Variants in RBP3 observed in about 807,000 individuals in gnomAD.
RBP3 encodes the protein retinol-binding protein 3.
A neutral mutation model predicts 64.8 loss-of-function variants in RBP3; 50 were observed. The observed-to-expected ratio is 0.77, with a 90% confidence interval of 0.61 to 0.98. The LOEUF is 0.98. Among genes scored for constraint, RBP3 ranks in the 50% least tolerant of loss-of-function variants. The pLI is 0.00. For synonymous variants in RBP3, 828 were observed against 730.2 expected (o/e 1.13, Z -2.16); for missense variants, 1,712 against 1,660.5 (o/e 1.03, Z -0.54).
rs781920668 is a variant in RBP3, at chr10:47,350,585, G to C, written c.2101G>C (p.Val701Leu). 33 of 1,612,890 alleles carry C rather than the reference G, an allele frequency of 2.0e-5. No individual in the cohort carries two copies. Among genetic ancestry groups the C allele is most frequent in the South Asian group, 4.4e-5 (4 of 91,094 alleles). The change falls in exon 1 of 4, where the codon GTG becomes CTG. Residue 701 changes from valine (V) to leucine (L), a missense_variant. Val to Leu is a conservative substitution (Grantham distance 32). Transcript: ENST00000584701. ...GGTGTCTGGGGACCACCGCTTGCTA[G>C]TGTTCCACAGCCCTGGCGAGCTGGT... is the stretch of plus-strand genomic sequence containing the variant. ...QEVSGDHRLL[V>L]FHSPGELVVE...
intron 1 of RBP3, 85 bp downstream of exon 1, chr10:47,351,623 G>A: frequency 2.0e-6 from 3 of 1,496,724 alleles, no homozygotes. Context: ...TGTGCACAGT[G>A]CGTGACAATG....
rs782725888 is a variant in RBP3 at position 47,349,585 on chromosome 10, T to A, written c.1101T>A (p.Asp367Glu). The stretch of plus-strand genomic sequence containing the variant: ...TCTCCACGGTGGTCTCCGAGGAAGA[T>A]CTGGTCACCAAGCTCAATGCCGGCC... ...MDFSTVVSEEDLVTKLNAGLQ... is the reference protein window; with the variant it reads ...MDFSTVVSEEELVTKLNAGLQ... Residue 367 changes from aspartate (D) to glutamate (E), a missense_variant, in exon 1 of 4, where the codon GAT becomes GAA. Coordinates refer to ENST00000584701, the MANE Select transcript of RBP3 (RefSeq NM_002900.3). 10 of 1,612,854 alleles carry A rather than the reference T, an allele frequency of 6.2e-6. No individual in the cohort carries two copies. Among genetic ancestry groups the A allele is most frequent in the South Asian group, 1.1e-5 (1 of 91,068 alleles).
In RBP3 at chr10:47,348,777, C is replaced by T. The variant is rs782153944; in HGVS notation, c.293C>T (p.Pro98Leu). 44 of 1,613,578 alleles carry T rather than the reference C, an allele frequency of 2.7e-5. No homozygotes were observed. The highest frequency in any genetic ancestry group is 3.0e-5 in the Non-Finnish European group (35 of 1,180,034). The change falls in exon 1 of 4, where the codon CCT becomes CTT. Residue 98 changes from proline to leucine, a missense_variant. Transcript: ENST00000584701. ...TCCTATGAGCCCAGCACCCCCGAGC[C>T]TCCCCCACAAGTCCCAGCACTCACC... ...VISYEPSTPE[P>L]PPQVPALTSL... is the part of the protein sequence containing the mutation.
rs886047021 is a variant in RBP3, at chr10:47,350,226, T to A, written c.1742T>A (p.Leu581Gln). 1.9e-6 allele frequency: 3 copies of A among 1,608,692 alleles called. No homozygotes were observed. The highest frequency in any genetic ancestry group is 2.5e-6 in the Non-Finnish European group (3 of 1,179,918). Residue 581 changes from leucine to glutamine, a missense_variant, in exon 1 of 4, where the codon CTG becomes CAG. Physicochemically the swap from Leu to Gln is moderately radical, Grantham distance 113. Transcript: ENST00000584701. ...GNLLHTRTVP[L>Q]LDTPEGSLAL... ...CTGCTGCACACCCGCACGGTGCCGCTGCTGGACACACCCGAAGGCAGCCTC... is the reference window on the plus strand; with the variant it reads ...CTGCTGCACACCCGCACGGTGCCGCAGCTGGACACACCCGAAGGCAGCCTC...
rs1836902851 is a variant in RBP3, at chr10:47,349,133, C to G, written c.649C>G (p.Leu217Val). 1 of 1,614,004 alleles carries G rather than the reference C, an allele frequency of 6.2e-7. No homozygotes were observed. The highest frequency in any genetic ancestry group is 8.5e-7 in the Non-Finnish European group (1 of 1,180,042). The change falls in exon 1 of 4, where the codon CTG (leucine) becomes GTG (valine). Residue 217 changes from leucine (L) to valine (V), a missense_variant. Transcript: ENST00000584701. The part of the protein sequence containing the change: ...TTEIWTLPQV[L>V]GERYGADKDV... ...GGAGATCTGGACCTTGCCCCAGGTC[C>G]TGGGAGAAAGGTACGGTGCCGACAA...
At chr10:47,352,212 C>G (rs1254278887) in intron 1 of RBP3, among the ~76,000 whole-genome samples, 3 of 152,196 alleles carry the variant, frequency 2.0e-5, no homozygotes, top group Non-Finnish European at 2.9e-5. Flanking sequence ...GGGAAGCTGA[C>G]AGGCAGGTGC....
In RBP3 at chr10:47,351,263, G is replaced by A; in HGVS notation, c.2779G>A (p.Ala927Thr). The change falls in exon 1 of 4, where the codon GCC (alanine) becomes ACC (threonine). Residue 927 changes from alanine to threonine, a missense_variant. By Grantham distance (58) the Ala-to-Thr change is moderately conservative. Coordinates refer to ENST00000584701, the MANE Select transcript of RBP3 (RefSeq NM_002900.3). ...GCCCATGAGCGAAGCCCTTTCCATA[G>A]CCCAGGACATAGTGGCTCTGCGTGC... ...TVPMSEALSI[A>T]QDIVALRAKV... 6.2e-7 allele frequency: 1 copy of A among 1,613,408 alleles called. No homozygotes were observed. Among genetic ancestry groups the A allele is most frequent in the South Asian group, 1.1e-5 (1 of 91,086 alleles).
rs1279328377 is a variant in RBP3 at position 47,353,334 on chromosome 10, C to T, written c.3064C>T (p.Pro1022Ser). 6.2e-7 allele frequency: 1 copy of T among 1,613,864 alleles called. No homozygotes were observed. Among genetic ancestry groups the T allele is most frequent in the African/African-American group, 1.3e-5 (1 of 74,928 alleles). ...CCTCCAACTCTTACAGATCCCTTCC[C>T]CTGAAGTATTTGAAGAGCTGATCAA... is the stretch of plus-strand genomic sequence containing the variant. ...PGIVPMQIPSPEVFEELIKFS... is the reference protein window; with the variant it reads ...PGIVPMQIPSSEVFEELIKFS... Residue 1022 changes from proline (P) to serine (S), a missense_variant, in exon 2 of 4, where the codon CCT becomes TCT. Pro to Ser is a moderately conservative substitution (Grantham distance 74). Coordinates refer to ENST00000584701, the MANE Select transcript of RBP3 (RefSeq NM_002900.3).
At position 47,350,463 on chromosome 10, in the gene RBP3, C is replaced by A; in HGVS notation, c.1979C>A (p.Thr660Asn). The A allele has an allele frequency of 1.2e-6, 2 of 1,612,484 alleles. No homozygotes were observed. Among genetic ancestry groups the A allele is most frequent in the Non-Finnish European group, 1.7e-6 (2 of 1,179,992 alleles). The change falls in exon 1 of 4, where the codon ACC becomes AAC. Residue 660 changes from threonine (T) to asparagine (N), a missense_variant. By Grantham distance (65) the Thr-to-Asn change is moderately conservative (BLOSUM62 0). Coordinates refer to ENST00000584701, the MANE Select transcript of RBP3 (RefSeq NM_002900.3). ...GCTCGGCCAGAGGTCGTGGGGCAGA[C>A]CAGTGCCCTCCTGCGGGCCAAGCTG... is the stretch of plus-strand genomic sequence containing the variant. ...HYARPEVVGQ[T>N]SALLRAKLAQ...
At chr10:47,352,473 C>T (rs1836990079) in intron 1 of RBP3, among the ~76,000 whole-genome samples, 1 of 152,194 alleles carries the variant, frequency 6.6e-6, no homozygotes, top group African/African-American at 2.4e-5. Flanking sequence ...GCTGAGAGTG[C>T]CAAAAGCATC....
At chr10:47,353,635 G>T in intron 2 of RBP3, 120 bp downstream of exon 2, 1 of 1,186,786 alleles carries the variant, frequency 8.4e-7, no homozygotes, top group Non-Finnish European at 1.2e-6. Flanking sequence ...GACCTGAGGG[G>T]GGCCAGGCCT....
intron 3 of RBP3, 129 bp from the exon 4 acceptor site, chr10:47,356,973 A>G (rs1837054523): frequency 4.0e-6 from 3 of 758,942 alleles, no homozygotes; most frequent in Non-Finnish European, 6.5e-6. Flanking sequence ...GTGGCTCACA[A>G]GTGGACACAA....
At chr10:47,355,891 G>A (rs1837040986) in intron 3 of RBP3, among the ~76,000 whole-genome samples, 1 of 152,142 alleles carries the variant, frequency 6.6e-6, no homozygotes, top group African/African-American at 2.4e-5. Context: ...ACCAACCCCA[G>A]TGGGCATTGC....
Position 47,357,315 on chromosome 10 carries a change from C to T in RBP3, c.3602C>T (p.Ser1201Leu), listed in dbSNP as rs1375634622. The T allele has an allele frequency of 3.7e-6, 6 of 1,614,134 alleles. No homozygotes were observed. Among genetic ancestry groups the T allele is most frequent in the South Asian group, 2.2e-5 (2 of 91,082 alleles). The change falls in exon 4 of 4, where the codon TCG becomes TTG. Residue 1201 changes from serine (S) to leucine (L), a missense_variant. Physicochemically the swap from Ser to Leu is moderately radical, Grantham distance 145. Transcript: ENST00000584701. ...TIPTARSVGA[S>L]DGSSWEGVGV... The stretch of plus-strand genomic sequence containing the variant: ...CCCACGGCCCGTTCTGTGGGGGCCT[C>T]GGATGGCAGCTCCTGGGAAGGGGTG...
chr10:47,350,360 G>C lies in RBP3; in HGVS notation c.1876G>C (p.Ala626Pro). ...IVLAEEALDK[A>P]QEVLEFHQSL... ...GCTGGCCGAGGAGGCCCTGGACAAA[G>C]CCCAGGAAGTGCTGGAGTTCCACCA... The change falls in exon 1 of 4, where the codon GCC becomes CCC. Residue 626 changes from alanine (A) to proline (P), a missense_variant. Ala to Pro is a conservative substitution (Grantham distance 27). Coordinates refer to ENST00000584701, the MANE Select transcript of RBP3 (RefSeq NM_002900.3). 6.2e-7 allele frequency: 1 copy of C among 1,612,450 alleles called. No individual in the cohort carries two copies. Among genetic ancestry groups the C allele is most frequent in the Non-Finnish European group, 8.5e-7 (1 of 1,179,962 alleles).
rs148673483 is a variant in RBP3, at chr10:47,349,109, G to A, written c.625G>A (p.Glu209Lys). ...IYNRPSNTTT[E>K]IWTLPQVLGE... ...CAACCGCCCCTCCAACACCACCACG[G>A]AGATCTGGACCTTGCCCCAGGTCCT... The change falls in exon 1 of 4, where the codon GAG becomes AAG. Residue 209 changes from glutamate (E) to lysine (K), a missense_variant. Glu to Lys is a moderately conservative substitution (Grantham distance 56). Coordinates refer to ENST00000584701, the MANE Select transcript of RBP3 (RefSeq NM_002900.3). The A allele has an allele frequency of 2.7e-5, 43 of 1,613,936 alleles. No individual in the cohort carries two copies. In the African/African-American group the frequency reaches 3.3e-4, roughly 13 times the overall value.
chr10:47,353,197 G>A (rs2132256922), intron 1 of RBP3, 128 bp from the exon 2 acceptor site: 2 of 841,310 alleles, frequency 2.4e-6, no homozygotes, highest in South Asian at 2.8e-5. Flanking sequence ...AGTCCCTGGT[G>A]TCTACTAATT....
chr10:47,354,936 G>A (rs1327243816), intron 2 of RBP3, among the ~76,000 whole-genome samples: 6 of 152,186 alleles, frequency 3.9e-5, no homozygotes, highest in Admixed American at 3.9e-4. Context: ...TAAGACACCT[G>A]AACTAAGACA....
At chr10:47,356,998 AC>A in intron 3 of RBP3, 103 bp from the exon 4 acceptor site, 1 of 1,045,280 alleles carries the variant, frequency 9.6e-7, no homozygotes, top group Non-Finnish European at 1.4e-6. Context: ...ACAGACCTAA[AC>A]CCCCGGGCCT....
Sources: allele counts gnomAD v4.1 joint callset (sites outside exome capture counted in the v4.1 genomes callset), GRCh38; gene constraint gnomAD v4.1.1; transcripts MANE v1.5; gene names NCBI Gene and HGNC (gene_info 2026-07-23, HGNC 2026-07-21).